Variants in DPP10 observed in about 807,000 individuals in gnomAD.
The protein encoded by DPP10 is inactive dipeptidyl peptidase 10.
DPP10 carries 33 observed loss-of-function variants against 120.9 expected under a neutral mutation model. That is an observed-to-expected ratio of 0.27 (90% CI 0.21 to 0.37). The LOEUF is 0.37. DPP10 is among the 10% of genes least tolerant of loss of function. DPP10 has a pLI of 1.00. For missense variants in DPP10, 816 were observed against 942.8 expected, an observed-to-expected ratio of 0.87 and a Z score of 1.76; for synonymous variants, 337 against 326.1, an observed-to-expected ratio of 1.03 and a Z score of -0.36.
intron 1 of DPP10, among the ~76,000 whole-genome samples, chr2:115,287,458 C>T: frequency 6.6e-6 from 1 of 151,898 alleles, no homozygotes; most frequent in Non-Finnish European, 1.5e-5. Context: ...AACTTCTTTC[C>T]TCTGAGTCTC....
intron 19 of DPP10, among the ~76,000 whole-genome samples, chr2:115,796,080 T>G (rs779485344): frequency 6.6e-6 from 1 of 152,116 alleles, no homozygotes; most frequent in African/African-American, 2.4e-5. Context: ...TCATGATATA[T>G]TTTCTATTTT....
chr2:115,199,082 T>C (rs2055500067), intron 1 of DPP10, among the ~76,000 whole-genome samples: 2 of 152,124 alleles, frequency 1.3e-5, no homozygotes, highest in African/African-American at 4.8e-5. Context: ...ATAGCTAACA[T>C]TTATTGAAGA....
intron 1 of DPP10, among the ~76,000 whole-genome samples, chr2:114,497,389 A>G (rs1452242694): frequency 3.0e-5 from 4 of 135,246 alleles, no homozygotes; most frequent in East Asian, 2.3e-4. Flanking sequence ...ACATATACAT[A>G]CACATACATA....
chr2:115,721,173 C>T (rs936448669), intron 7 of DPP10, among the ~76,000 whole-genome samples: 1 of 152,160 alleles, frequency 6.6e-6, no homozygotes, highest in African/African-American at 2.4e-5. Context: ...TCCATTTTGC[C>T]AATTATAATT....
chr2:114,675,550 G>T (rs1037640666), intron 1 of DPP10, among the ~76,000 whole-genome samples: 5 of 151,994 alleles, frequency 3.3e-5, no homozygotes, highest in African/African-American at 7.2e-5. Context: ...TACATTTCAC[G>T]ATAACAAATG....
rs144622864 is a variant in DPP10, at chr2:114,476,852, C to T, written c.60+34014C>T. On this transcript the variant is annotated intron_variant, in intron 1 of 25. Transcript: ENST00000410059. The stretch of plus-strand genomic sequence containing the variant: ...AGCTAAAGAAACAGAACATGAAAAG[C>T]ACCCCAGAAAACTATCCTTATGCTC... 3.1e-3 allele frequency among the ~76,000 whole-genome samples: 469 copies of T among 152,278 alleles called. 3 individuals are homozygous for T. The highest frequency in any genetic ancestry group is 0.011 in the African/African-American group (457 of 41,572).
intron 3 of DPP10, among the ~76,000 whole-genome samples, chr2:115,425,001 G>A (rs1020615210): frequency 1.3e-5 from 2 of 152,102 alleles, no homozygotes; most frequent in East Asian, 1.9e-4. Flanking sequence ...AAGTAGAATC[G>A]TTGGGGAATG....
rs113091556 is a variant in DPP10 at position 114,551,910 on chromosome 2, A to G, written c.60+109072A>G. ...AAAATAAAACATAAATTTTCCAGTT[A>G]TCTAGATTGTAAATGAATTTATGAT... is the stretch of plus-strand genomic sequence containing the variant. On this transcript the variant is annotated intron_variant, in intron 1 of 25. Coordinates refer to ENST00000410059, the MANE Select transcript of DPP10 (RefSeq NM_020868.6). Among the ~76,000 whole-genome samples the G allele has an allele frequency of 8.4e-4, 128 of 152,346 alleles. 1 individual carries two copies. Among genetic ancestry groups the G allele is most frequent in the African/African-American group, 3.0e-3 (123 of 41,578 alleles).
At chr2:114,502,120 T>C (rs564245368) in intron 1 of DPP10, among the ~76,000 whole-genome samples, 2 of 150,776 alleles carry the variant, frequency 1.3e-5, no homozygotes, top group East Asian at 3.9e-4. Flanking sequence ...ATTTATTTTA[T>C]TTATTTTATT....
At chr2:115,807,402 T>A (rs1398724520) in intron 19 of DPP10, among the ~76,000 whole-genome samples, 1 of 152,220 alleles carries the variant, frequency 6.6e-6, no homozygotes, top group African/African-American at 2.4e-5. Context: ...TAGAGCTGGC[T>A]CATTAATATC....
chr2:114,954,293 C>T (rs184752686), intron 1 of DPP10, among the ~76,000 whole-genome samples: 1 of 152,038 alleles, frequency 6.6e-6, no homozygotes. Flanking sequence ...CCGTGTTAGC[C>T]AGGATGGTCT....
chr2:115,724,968 C>T (rs1385160626), intron 7 of DPP10, among the ~76,000 whole-genome samples: 1 of 152,136 alleles, frequency 6.6e-6, no homozygotes, highest in Non-Finnish European at 1.5e-5. Context: ...CGGCACCCAG[C>T]TGTGAGGGAT....
At chr2:114,581,005 C>T (rs1454712551) in intron 1 of DPP10, among the ~76,000 whole-genome samples, 1 of 151,842 alleles carries the variant, frequency 6.6e-6, no homozygotes, top group Non-Finnish European at 1.5e-5. Flanking sequence ...TACCAGGTTT[C>T]CTTAATGGAG....
intron 1 of DPP10, among the ~76,000 whole-genome samples, chr2:114,915,669 G>T (rs1269735267): frequency 6.6e-6 from 1 of 152,114 alleles, no homozygotes; most frequent in African/African-American, 2.4e-5. Context: ...AATAAAAATA[G>T]AAATCAATAC....
chr2:115,260,605 T>C (rs1333002104), intron 1 of DPP10, among the ~76,000 whole-genome samples: 9 of 152,228 alleles, frequency 5.9e-5, no homozygotes, highest in Non-Finnish European at 1.3e-4. Context: ...CTCTTATTCA[T>C]GAATATGTTT....
At chr2:115,686,229 A>G (rs1255608905) in intron 5 of DPP10, among the ~76,000 whole-genome samples, 1 of 152,026 alleles carries the variant, frequency 6.6e-6, no homozygotes, top group African/African-American at 2.4e-5. Context: ...CATAGTGATG[A>G]AGAGTTGTCC....
intron 1 of DPP10, among the ~76,000 whole-genome samples, chr2:114,510,502 G>T (rs570941063): frequency 5.3e-4 from 81 of 152,262 alleles, no homozygotes; most frequent in African/African-American, 1.7e-3. Flanking sequence ...TACTCAGGAG[G>T]CTGAGGCAGG....
chr2:115,157,833 A>C (rs574374550), intron 1 of DPP10, among the ~76,000 whole-genome samples: 1 of 152,346 alleles, frequency 6.6e-6, no homozygotes, highest in African/African-American at 2.4e-5. Context: ...TGCTGTGCTC[A>C]TTATAGACAC....
At chr2:114,446,036 A>G (rs1156902371) in intron 1 of DPP10, among the ~76,000 whole-genome samples, 1 of 152,076 alleles carries the variant, frequency 6.6e-6, no homozygotes, top group Non-Finnish European at 1.5e-5. Flanking sequence ...AAAATCTTTT[A>G]CTCTGAGATG....
Sources: gnomAD v4.1 joint callset for allele counts (sites outside exome capture counted in the v4.1 genomes callset) on GRCh38, gnomAD v4.1.1 for gene constraint, MANE v1.5 for transcripts, NCBI Gene and HGNC (gene_info 2026-07-23, HGNC 2026-07-21) for gene names.